Variants in RIMS2 observed in about 807,000 individuals in gnomAD.
RIMS2 encodes the protein regulating synaptic membrane exocytosis protein 2.
In RIMS2, 59 loss-of-function variants were observed where a neutral mutation model predicts 174.4. That is an observed-to-expected ratio of 0.34 (90% CI 0.27 to 0.42). The LOEUF (loss-of-function observed/expected upper bound fraction) is 0.42, where lower values mean the gene tolerates loss of function less well. Among genes scored for constraint, RIMS2 ranks in the 10% least tolerant of loss-of-function variants. The pLI, the probability that RIMS2 is intolerant of heterozygous loss-of-function variation, is 1.00. For missense variants in RIMS2, 1,620 were observed against 1,666.3 expected (o/e 0.97, Z 0.48); for synonymous variants, 606 against 572.5 (o/e 1.06, Z -0.84).
intron 1 of RIMS2, chr8:103,568,982 G>A (rs1396096215): frequency 1.8e-5 from 10 of 568,490 alleles, no homozygotes; most frequent in East Asian, 1.0e-4. Context: ...GCTGATCACC[G>A]TGTTCCTATC....
intron 1 of RIMS2, among the ~76,000 whole-genome samples, chr8:103,523,268 C>G (rs1832570725): frequency 6.6e-6 from 1 of 152,096 alleles, no homozygotes; most frequent in Admixed American, 6.6e-5. Flanking sequence ...TGTGCAGATT[C>G]ATCATTTGAT....
At chr8:104,093,813 A>C (rs1045924247) in intron 19 of RIMS2, among the ~76,000 whole-genome samples, 170 bp downstream of exon 24, 1 of 152,036 alleles carries the variant, frequency 6.6e-6, no homozygotes, top group African/African-American at 2.4e-5. Flanking sequence ...CACATTTCAG[A>C]CTTCCTGCAC....
At chr8:104,106,714 A>C (rs2098075023) in intron 19 of RIMS2, among the ~76,000 whole-genome samples, 1 of 152,304 alleles carries the variant, frequency 6.6e-6, no homozygotes, top group South Asian at 2.1e-4. Context: ...CTTCCATCAC[A>C]TTCAATATTT....
intron 19 of RIMS2, among the ~76,000 whole-genome samples, chr8:104,102,980 GA>G (rs2097935469): frequency 6.6e-6 from 1 of 152,102 alleles, no homozygotes; most frequent in African/African-American, 2.4e-5. Flanking sequence ...AAACATCAGA[GA>G]AAAAGATCTC....
rs1565545073 is a variant in RIMS2, at chr8:103,961,143, T to G, written c.2770+10T>G. On this transcript the variant is annotated intron_variant, in intron 15 of 23. Coordinates refer to ENST00000504942, the Ensembl canonical transcript of RIMS2. ...ATTGGTGTAGTATCAGGTAAGAATT[T>G]TAGAATTATTTTATAGTATTAAAAA... 8.3e-7 allele frequency: 1 copy of G among 1,208,590 alleles called. No homozygotes were observed. The highest frequency in any genetic ancestry group is 1.5e-5 in the African/African-American group (1 of 66,934). 74.9% of individuals were successfully genotyped at this position (1,208,590 alleles called of 1,614,324 possible). A position where few individuals can be genotyped will look rare whatever the true frequency, so the allele number is the denominator to read the frequency against.
At chr8:103,658,507 G>T (rs1039847174) in intron 1 of RIMS2, among the ~76,000 whole-genome samples, 4 of 152,152 alleles carry the variant, frequency 2.6e-5, no homozygotes, top group African/African-American at 9.7e-5. Flanking sequence ...ACTTTGGTTT[G>T]TCATTTGCTT....
intron 15 of RIMS2, among the ~76,000 whole-genome samples, chr8:103,965,861 T>C (rs571113003): frequency 2.6e-5 from 4 of 152,224 alleles, no homozygotes; most frequent in East Asian, 3.9e-4. Context: ...TTCAGGATGT[T>C]AGATTTTGTC....
At chr8:103,936,062 C>G (rs1220355798) in intron 12 of RIMS2, among the ~76,000 whole-genome samples, 1 of 152,004 alleles carries the variant, frequency 6.6e-6, no homozygotes, top group African/African-American at 2.4e-5. Flanking sequence ...AAAAAAGTAT[C>G]TTTATAAAAA....
chr8:103,768,323 C>G, intron 3 of RIMS2: 1 of 658,812 alleles, frequency 1.5e-6, no homozygotes, highest in Admixed American at 2.0e-5. Flanking sequence ...CTGCCAGAAA[C>G]TCATTGAAGT....
intron 4 of RIMS2, among the ~76,000 whole-genome samples, chr8:103,895,290 A>T (rs1231819784): frequency 6.6e-6 from 1 of 151,374 alleles, no homozygotes; most frequent in Non-Finnish European, 1.5e-5. Flanking sequence ...TACTATACCA[A>T]ATTACCATAG....
chr8:103,912,548 G>A (rs2075875005), intron 6 of RIMS2, among the ~76,000 whole-genome samples: 3 of 151,866 alleles, frequency 2.0e-5, no homozygotes, highest in African/African-American at 7.3e-5. Flanking sequence ...GAAAACTTGG[G>A]AAATGTAATA....
At chr8:103,725,542 A>G (rs1422658480) in intron 2 of RIMS2, among the ~76,000 whole-genome samples, 1 of 152,184 alleles carries the variant, frequency 6.6e-6, no homozygotes, top group African/African-American at 2.4e-5. Flanking sequence ...GATGTTGCCT[A>G]TAACTGTAGT....
At position 103,577,059 on chromosome 8, in the gene RIMS2, G is replaced by A. The variant is rs1040972861; in HGVS notation, c.176+75997G>A. Among the ~76,000 whole-genome samples the A allele has an allele frequency of 3.3e-5, 5 of 152,266 alleles. No homozygotes were observed. The South Asian group carries it at 1.0e-3, about 32-fold the overall frequency. On this transcript the variant is annotated intron_variant, in intron 1 of 23. Transcript: ENST00000504942. ...AACACCAAAAGCAATGGCAACAAAAGCCAAAATTGACAAATGGGATCTAAT... is the reference window on the plus strand; with the variant it reads ...AACACCAAAAGCAATGGCAACAAAAACCAAAATTGACAAATGGGATCTAAT...
At chr8:103,742,331 GC>G in intron 2 of RIMS2, among the ~76,000 whole-genome samples, 1 of 152,118 alleles carries the variant, frequency 6.6e-6, no homozygotes, top group Non-Finnish European at 1.5e-5. Flanking sequence ...CTCTTAATGT[GC>G]CATCATTTCA....
At chr8:103,565,006 G>A (rs1305147557) in intron 1 of RIMS2, among the ~76,000 whole-genome samples, 1 of 152,186 alleles carries the variant, frequency 6.6e-6, no homozygotes, top group African/African-American at 2.4e-5. Context: ...AACCACACAT[G>A]TAGAGAAGCC....
At chr8:103,869,003 T>C (rs2099096953) in intron 3 of RIMS2, among the ~76,000 whole-genome samples, 1 of 152,132 alleles carries the variant, frequency 6.6e-6, no homozygotes. Context: ...AAATTTGTTA[T>C]TTTTTAGTTT....
intron 18 of RIMS2, 53 bp downstream of exon 20, chr8:104,013,674 T>C (rs947591144): frequency 2.5e-5 from 37 of 1,473,622 alleles, no homozygotes; most frequent in Non-Finnish European, 3.3e-5. Flanking sequence ...CAGCACACCA[T>C]TTTATTTTCC....
At chr8:104,015,007 A>G (rs1044049037) in intron 19 of RIMS2, among the ~76,000 whole-genome samples, 2 of 152,182 alleles carry the variant, frequency 1.3e-5, no homozygotes, top group African/African-American at 2.4e-5. Flanking sequence ...CTGATGCACA[A>G]TGGTGATCCT....
At chr8:103,948,750 T>G (rs2084471378) in intron 14 of RIMS2, among the ~76,000 whole-genome samples, 1 of 152,166 alleles carries the variant, frequency 6.6e-6, no homozygotes, top group Non-Finnish European at 1.5e-5. Context: ...TGTAGTGATG[T>G]ATACACAAAT....
Sources: allele counts gnomAD v4.1 joint callset (sites outside exome capture counted in the v4.1 genomes callset), GRCh38; gene constraint gnomAD v4.1.1; transcripts MANE v1.5; gene names NCBI Gene and HGNC (gene_info 2026-07-23, HGNC 2026-07-21).